The following MED15 variants were observed in gnomAD, a reference collection of about 807,000 sequenced individuals.
MED15 encodes the protein mediator complex subunit 15, also known as mediator of RNA polymerase II transcription subunit 15.
Under a neutral mutation model 118.7 loss-of-function variants are expected in MED15, and 41 were observed. That is an observed-to-expected ratio of 0.35 (90% CI 0.27 to 0.45). The LOEUF is 0.45. Ranked by LOEUF, MED15 falls within the 20% of genes least tolerant of loss-of-function variation. MED15 has a pLI of 1.00. For missense variants in MED15, 740 were observed against 1,025.5 expected, an observed-to-expected ratio of 0.72 and a Z score of 3.80; for synonymous variants, 436 against 413.9, an observed-to-expected ratio of 1.05 and a Z score of -0.65.
rs777304615 is a variant in MED15 at position 20,575,121 on chromosome 22, G to A, written c.1161G>A (p.Thr387=). Residue 387 remains threonine, a synonymous_variant, in exon 9 of 18, where the codon ACG becomes ACA. Transcript: ENST00000263205. The stretch of plus-strand genomic sequence containing the variant: ...TCCCTCTGTCCTCAAAGATGATCAC[G>A]GAAGCCTTGGCCCAAGGTGGGATGC... ...QMVAPGVQMI[T]EALAQGGMHI... 1.6e-5 allele frequency: 26 copies of A among 1,613,812 alleles called. No homozygotes were observed. The highest frequency in any genetic ancestry group is 2.2e-5 in the East Asian group (1 of 44,894).
intron 1 of MED15, among the ~76,000 whole-genome samples, chr22:20,517,456 C>T (rs76713085): frequency 0.028 from 4,299 of 152,276 alleles, 212 homozygotes; most frequent in African/African-American, 0.097. Flanking sequence ...CCTTCCTTTT[C>T]GTGGCTGAGC....
chr22:20,572,270 A>T lies in MED15; in HGVS notation c.1153-2843A>T, dbSNP rs527904199. 5.3e-5 allele frequency among the ~76,000 whole-genome samples: 8 copies of T among 152,340 alleles called. No homozygotes were observed. The East Asian group carries it at 1.5e-3, about 29-fold the overall frequency. ...TGTTGTTCACACAGTGGACATCAGG[A>T]CGTGGTGACCACGTGTTGCAGCTTT... is the stretch of plus-strand genomic sequence containing the variant. On this transcript the variant is annotated intron_variant, in intron 8 of 17. Transcript: ENST00000263205.
intron 9 of MED15, among the ~76,000 whole-genome samples, chr22:20,580,305 T>C (rs748136374): frequency 2.0e-5 from 3 of 152,154 alleles, no homozygotes; most frequent in South Asian, 2.1e-4. Flanking sequence ...TGAGAACTCT[T>C]GAGTGGCAAT....
At chr22:20,508,355 G>T in intron 1 of MED15, 1 of 1,304,220 alleles carries the variant, frequency 7.7e-7, no homozygotes, top group Middle Eastern at 2.1e-4. Flanking sequence ...CCGCTCAGAG[G>T]AACTCTAGCC....
intron 1 of MED15, among the ~76,000 whole-genome samples, chr22:20,520,057 A>T (rs2054391652): frequency 6.6e-6 from 1 of 151,992 alleles, no homozygotes; most frequent in Non-Finnish European, 1.5e-5. Flanking sequence ...CTCACACAAG[A>T]GTGAAGTGTG....
intron 2 of MED15, among the ~76,000 whole-genome samples, chr22:20,544,369 A>G (rs2055438916): frequency 6.6e-6 from 1 of 152,108 alleles, no homozygotes; most frequent in African/African-American, 2.4e-5. Context: ...GGTGGCTTAA[A>G]AGAACAGAAA....
At chr22:20,509,594 T>C (rs2053994652) in intron 1 of MED15, among the ~76,000 whole-genome samples, 1 of 149,722 alleles carries the variant, frequency 6.7e-6, no homozygotes, top group Non-Finnish European at 1.5e-5. Context: ...GGGTGGGGTG[T>C]GGGGTGAAGC....
intron 1 of MED15, 123 bp from the exon 2 acceptor site, chr22:20,536,994 C>A: frequency 1.3e-6 from 1 of 772,938 alleles, no homozygotes; most frequent in Non-Finnish European, 2.1e-6. Flanking sequence ...CTCAGCCAGG[C>A]TGGTGTGCTG....
chr22:20,586,582 C>T lies in MED15; in HGVS notation c.2245C>T (p.Leu749Phe). 8.7e-6 allele frequency: 14 copies of T among 1,612,854 alleles called. No individual in the cohort carries two copies. The highest frequency in any genetic ancestry group is 1.2e-5 in the Non-Finnish European group (14 of 1,179,900). Residue 749 changes from leucine to phenylalanine, a missense_variant, in exon 18 of 18, where the codon CTC becomes TTC. By Grantham distance (22) the Leu-to-Phe change is conservative. Coordinates refer to ENST00000263205, the MANE Select transcript of MED15 (RefSeq NM_001003891.3). ...RQWQYDANPF[L>F]QSVHRCMTSR... Reference sequence around the variant, plus strand: ...CTCTGTTGCAGACGCCAACCCCTTCCTCCAGTCGGTGCACCGCTGCATGAC... The same window carrying T: ...CTCTGTTGCAGACGCCAACCCCTTCTTCCAGTCGGTGCACCGCTGCATGAC...
intron 7 of MED15, among the ~76,000 whole-genome samples, chr22:20,567,491 GC>G (rs2056484929): frequency 6.6e-6 from 1 of 152,266 alleles, no homozygotes; most frequent in South Asian, 2.1e-4. Flanking sequence ...GGGGCCTGAG[GC>G]AAGTGTGGGG....
At chr22:20,521,259 G>A (rs2054443825) in intron 1 of MED15, among the ~76,000 whole-genome samples, 1 of 151,156 alleles carries the variant, frequency 6.6e-6, no homozygotes. Flanking sequence ...ACCATGCCTA[G>A]CTAATTTTTA....
At chr22:20,558,659 G>C (rs2056111417) in intron 5 of MED15, among the ~76,000 whole-genome samples, 1 of 152,098 alleles carries the variant, frequency 6.6e-6, no homozygotes, top group Non-Finnish European at 1.5e-5. Flanking sequence ...CAGCAGTTGG[G>C]GAGGCTTTGT....
chr22:20,552,475 A>G, intron 3 of MED15: 1 of 383,690 alleles, frequency 2.6e-6, no homozygotes, highest in Non-Finnish European at 5.3e-6. Context: ...GTGTAAGAGG[A>G]GAAGGAGCAG....
At chr22:20,575,358 C>A in intron 9 of MED15, 126 bp downstream of exon 9, 1 of 1,224,120 alleles carries the variant, frequency 8.2e-7, no homozygotes, top group Non-Finnish European at 1.1e-6. Flanking sequence ...GAGTGCCAAA[C>A]CCACAGTCCC....
At chr22:20,544,778 C>A (rs1022289616) in intron 2 of MED15, among the ~76,000 whole-genome samples, 2 of 152,192 alleles carry the variant, frequency 1.3e-5, no homozygotes, top group Non-Finnish European at 2.9e-5. Flanking sequence ...AGGAGAGGAA[C>A]CTGTTTCTTG....
intron 5 of MED15, among the ~76,000 whole-genome samples, chr22:20,555,690 T>C (rs2055971964): frequency 6.6e-6 from 1 of 152,220 alleles, no homozygotes; most frequent in Non-Finnish European, 1.5e-5. Flanking sequence ...CCAAAGCTGC[T>C]CTAAAGGGGA....
rs772378476 is a variant in MED15, at chr22:20,582,539, C to T, written c.1273-72C>T. 7 of 1,532,406 alleles carry T rather than the reference C, an allele frequency of 4.6e-6. No individual in the cohort carries two copies. In the East Asian group the frequency reaches 7.3e-5, roughly 16 times the overall value. The allele number at this position is 1,532,406 out of a possible 1,614,324, so 94.9% of individuals were successfully genotyped here. On this transcript the variant is annotated intron_variant, in intron 9 of 17. Transcript: ENST00000263205. ...GTGCGGGAGGATGGGCCTATGCGTG[C>T]GGTGGGCAGGTGGTGTGGAGGCAGG...
intron 2 of MED15, chr22:20,551,024 A>ACAGATAGTGCAAAGACACAGCGGCCCACC (rs2055750114): frequency 2.4e-6 from 1 of 411,388 alleles, no homozygotes; most frequent in African/African-American, 2.1e-5. Context: ...GCCCTTCTTT[A>ACAGATAGTGCAAAGACACAGCGGCCCACC]CAGATAGTGC....
chr22:20,579,719 G>T (rs925352611), intron 9 of MED15, among the ~76,000 whole-genome samples: 2 of 152,112 alleles, frequency 1.3e-5, no homozygotes, highest in African/African-American at 4.8e-5. Flanking sequence ...CATTGTTGCT[G>T]GGGTGGTGGT....
Sources: allele counts gnomAD v4.1 joint callset (sites outside exome capture counted in the v4.1 genomes callset), GRCh38; gene constraint gnomAD v4.1.1; transcripts MANE v1.5; gene names NCBI Gene and HGNC (gene_info 2026-07-23, HGNC 2026-07-21).